XPNPEP3: variants seen among roughly 807,000 people sequenced by gnomAD.
XPNPEP3 encodes the protein xaa-Pro aminopeptidase 3.
A neutral mutation model predicts 60.0 loss-of-function variants in XPNPEP3; 41 were observed. That is an observed-to-expected ratio of 0.68 (90% CI 0.53 to 0.89). The LOEUF (loss-of-function observed/expected upper bound fraction) is 0.89. Ranked by LOEUF, XPNPEP3 falls within the 40% of genes least tolerant of loss-of-function variation. The pLI, the probability that XPNPEP3 is intolerant of heterozygous loss-of-function variation, is 0.00. For synonymous variants in XPNPEP3, 212 were observed against 223.2 expected (o/e 0.95, Z 0.45); for missense variants, 598 against 638.9 (o/e 0.94, Z 0.69).
intron 7 of XPNPEP3, among the ~76,000 whole-genome samples, chr22:40,915,076 G>C (rs908705839): frequency 2.1e-5 from 3 of 144,692 alleles, no homozygotes; most frequent in African/African-American, 7.7e-5. Context: ...TTTTGAGACG[G>C]AGTCTCGCTC....
intron 4 of XPNPEP3, among the ~76,000 whole-genome samples, chr22:40,901,088 C>T (rs2058130519): frequency 2.0e-5 from 3 of 151,058 alleles, no homozygotes. Context: ...GACCTCCTCT[C>T]TTTTTATTAA....
At chr22:40,919,228 A>G (rs1323427871) in intron 7 of XPNPEP3, among the ~76,000 whole-genome samples, 2 of 152,174 alleles carry the variant, frequency 1.3e-5, no homozygotes, top group East Asian at 1.9e-4. Flanking sequence ...ACTTGAAGAT[A>G]AATAGAAATT....
rs375565008 is a variant in XPNPEP3, at chr22:40,886,295, T to C, written c.590-18T>C. On this transcript the variant is annotated intron_variant, in intron 3 of 9. Transcript: ENST00000357137. The stretch of plus-strand genomic sequence containing the variant: ...GGTAGTTTTGTTTTAAATTTATTTT[T>C]CGGCTTCTCATTCTAAGCTGAGACG... The C allele has an allele frequency of 1.3e-5, 21 of 1,612,910 alleles. No individual in the cohort carries two copies. The highest frequency in any genetic ancestry group is 2.7e-5 in the African/African-American group (2 of 74,912).
intron 2 of XPNPEP3, among the ~76,000 whole-genome samples, chr22:40,879,373 C>T (rs941646430): frequency 3.3e-5 from 5 of 152,118 alleles, no homozygotes; most frequent in African/African-American, 1.2e-4. Flanking sequence ...ATACAAGTTA[C>T]AGAATTTGCT....
chr22:40,887,017 C>T (rs1310363114), intron 4 of XPNPEP3, among the ~76,000 whole-genome samples: 1 of 152,016 alleles, frequency 6.6e-6, no homozygotes, highest in Admixed American at 6.6e-5. Flanking sequence ...AATCTGCCTT[C>T]TGTTAAGATG....
chr22:40,897,848 A>G (rs1042137647), intron 4 of XPNPEP3, among the ~76,000 whole-genome samples: 2 of 152,132 alleles, frequency 1.3e-5, no homozygotes, highest in African/African-American at 4.8e-5. Flanking sequence ...GATGTTCAGC[A>G]TATTTTCATG....
chr22:40,919,080 T>G (rs1017795357), intron 7 of XPNPEP3, among the ~76,000 whole-genome samples: 1 of 152,134 alleles, frequency 6.6e-6, no homozygotes, highest in African/African-American at 2.4e-5. Context: ...TTTGGCTTTT[T>G]ATATCTGTGT....
At chr22:40,875,479 T>C (rs1229148653) in intron 2 of XPNPEP3, among the ~76,000 whole-genome samples, 4 of 152,216 alleles carry the variant, frequency 2.6e-5, no homozygotes, top group Non-Finnish European at 5.9e-5. Flanking sequence ...GAATAAATAA[T>C]GTAGTCTCTA....
intron 3 of XPNPEP3, among the ~76,000 whole-genome samples, chr22:40,884,112 G>A (rs1189535521): frequency 6.6e-6 from 1 of 151,980 alleles, no homozygotes; most frequent in Non-Finnish European, 1.5e-5. Flanking sequence ...TTTATTTATA[G>A]AAATGTTTTC....
At chr22:40,919,674 G>A (rs2058209237) in intron 7 of XPNPEP3, among the ~76,000 whole-genome samples, 2 of 152,110 alleles carry the variant, frequency 1.3e-5, no homozygotes, top group Admixed American at 6.6e-5. Flanking sequence ...CAAATTCTAG[G>A]TATTTAAGAG....
At chr22:40,869,186 T>C in intron 2 of XPNPEP3, 71 bp downstream of exon 2, 2 of 1,319,992 alleles carry the variant, frequency 1.5e-6, no homozygotes, top group South Asian at 2.4e-5. Flanking sequence ...ATAGAACTTC[T>C]TGCAGTAAGC....
chr22:40,893,166 CATAAT>C (rs980031461), intron 4 of XPNPEP3, among the ~76,000 whole-genome samples: 1 of 143,706 alleles, frequency 7.0e-6, no homozygotes, highest in Admixed American at 7.0e-5. Context: ...AATATTATAT[CATAAT>C]ATAATTAATA....
chr22:40,898,225 A>ATTTTTTTTTTTTTTTTTTTTTTT lies in XPNPEP3; in HGVS notation c.793-9345_793-9323dup, dbSNP rs71200626. ...TGTTTTATGTTTAGGTCTTTGACCC[A>ATTTTTTTTTTTTTTTTTTTTTTT]TTTTTTTTTTTTTTTTTTTTTTTTT... On this transcript the variant is annotated intron_variant, in intron 4 of 9. Transcript: ENST00000357137. Among the ~76,000 whole-genome samples the ATTTTTTTTTTTTTTTTTTTTTTT allele has an allele frequency of 7.0e-5, 2 of 28,768 alleles. 1 individual carries two copies. Among genetic ancestry groups the ATTTTTTTTTTTTTTTTTTTTTTT allele is most frequent in the Non-Finnish European group, 1.2e-4 (2 of 16,232 alleles). 18.9% of individuals were successfully genotyped at this position (28,768 alleles called of 152,430 possible).
chr22:40,928,090 T>C lies in XPNPEP3; in HGVS notation c.*1655T>C, dbSNP rs1163539199. On this transcript the variant is annotated 3_prime_UTR_variant, in exon 10 of 10. Coordinates refer to ENST00000357137, the MANE Select transcript of XPNPEP3 (RefSeq NM_022098.4). ...CCTGTTATCATTCTGTGATTTCCTC[T>C]AGTGCTAATAGAAACAAAATATGGA... The C allele has an allele frequency of 6.6e-6, 1 of 152,026 alleles. No homozygotes were observed. The highest frequency in any genetic ancestry group is 1.9e-4 in the East Asian group (1 of 5,192). The allele number at this position is 152,026 out of a possible 1,614,324, so 9.4% of individuals were successfully genotyped here. A position where few individuals can be genotyped will look rare whatever the true frequency, so the allele number is the denominator to read the frequency against.
At chr22:40,893,810 T>C (rs1478317280) in intron 4 of XPNPEP3, among the ~76,000 whole-genome samples, 1 of 152,064 alleles carries the variant, frequency 6.6e-6, no homozygotes, top group Non-Finnish European at 1.5e-5. Context: ...GAGACGAGGT[T>C]TCTCCATATT....
chr22:40,886,426 G>A lies in XPNPEP3; in HGVS notation c.703G>A (p.Gly235Ser). The change falls in exon 4 of 10, where the codon GGT becomes AGT. Residue 235 changes from glycine (G) to serine (S), a missense_variant. Transcript: ENST00000357137. ...AKAKSKNKVR[G>S]VQQLIQRLRL... is the part of the protein sequence containing the mutation. ...AGCCAAGAGCAAGAACAAGGTTCGGGGTGTTCAGCAGCTGATACAGCGCCT... is the reference window on the plus strand; with the variant it reads ...AGCCAAGAGCAAGAACAAGGTTCGGAGTGTTCAGCAGCTGATACAGCGCCT... The A allele has an allele frequency of 6.2e-7, 1 of 1,614,160 alleles. No homozygotes were observed. Among genetic ancestry groups the A allele is most frequent in the Non-Finnish European group, 8.5e-7 (1 of 1,180,036 alleles).
intron 1 of XPNPEP3, chr22:40,861,653 G>T (rs112762034): frequency 6.2e-7 from 1 of 1,614,100 alleles, no homozygotes; most frequent in East Asian, 2.2e-5. Context: ...CCTCAAGCGA[G>T]TCTTCAAAGA....
chr22:40,886,552 G>A (rs757462323), intron 4 of XPNPEP3, 37 bp downstream of exon 4: 26 of 1,601,474 alleles, frequency 1.6e-5, no homozygotes, highest in South Asian at 4.4e-5. Context: ...CCAGCCGGGC[G>A]CGGTGGCTCA....
At chr22:40,903,604 C>T (rs1168774005) in intron 4 of XPNPEP3, among the ~76,000 whole-genome samples, 1 of 151,936 alleles carries the variant, frequency 6.6e-6, no homozygotes, top group Non-Finnish European at 1.5e-5. Context: ...AATTCTCTGC[C>T]TCAGCCTCCC....
Sources: allele counts gnomAD v4.1 joint callset (sites outside exome capture counted in the v4.1 genomes callset), GRCh38; gene constraint gnomAD v4.1.1; transcripts MANE v1.5; gene names NCBI Gene and HGNC (gene_info 2026-07-23, HGNC 2026-07-21).